The following RBMS3 variants were observed in gnomAD, a reference collection of about 807,000 sequenced individuals.
The protein encoded by RBMS3 is RNA binding motif single stranded interacting protein 3, also known as RNA-binding motif, single-stranded-interacting protein 3.
RBMS3 carries 27 observed loss-of-function variants against 66.8 expected under a neutral mutation model. That is an observed-to-expected ratio of 0.40 (90% CI 0.30 to 0.56). RBMS3 has a LOEUF of 0.56. Among genes scored for constraint, RBMS3 ranks in the 20% least tolerant of loss-of-function variants. RBMS3 has a pLI of 0.40. For missense variants in RBMS3, 513 were observed against 549.5 expected (o/e 0.93, Z 0.66); for synonymous variants, 188 against 183.0 (o/e 1.03, Z -0.22).
chr3:29,612,233 C>T (rs1263629611), intron 4 of RBMS3, among the ~76,000 whole-genome samples: 1 of 151,930 alleles, frequency 6.6e-6, no homozygotes, highest in Non-Finnish European at 1.5e-5. Flanking sequence ...AGTGATTGCA[C>T]ATATATATAT....
intron 1 of RBMS3, among the ~76,000 whole-genome samples, chr3:29,347,379 G>A (rs1481727986): frequency 2.6e-5 from 4 of 152,188 alleles, no homozygotes; most frequent in East Asian, 1.9e-4. Flanking sequence ...GGTTTCATTC[G>A]TTGCATGCAG....
At chr3:29,766,672 C>G (rs745635263) in intron 6 of RBMS3, 1 of 151,930 alleles carries the variant, frequency 6.6e-6, no homozygotes, top group Non-Finnish European at 1.5e-5. Flanking sequence ...TATCCCAGAA[C>G]TACCTCTGTT....
At chr3:29,300,860 G>A (rs1053959184) in intron 1 of RBMS3, among the ~76,000 whole-genome samples, 11 of 152,024 alleles carry the variant, frequency 7.2e-5, no homozygotes, top group South Asian at 2.1e-4. Flanking sequence ...AACATATATA[G>A]AAAGTGCTTT....
At chr3:29,821,043 T>C (rs2058065003) in intron 6 of RBMS3, among the ~76,000 whole-genome samples, 1 of 152,208 alleles carries the variant, frequency 6.6e-6, no homozygotes, top group Admixed American at 6.6e-5. Flanking sequence ...TGGAATACAC[T>C]GGCTTCCTAT....
intron 4 of RBMS3, among the ~76,000 whole-genome samples, chr3:29,670,605 C>T (rs2050956315): frequency 6.6e-6 from 1 of 152,234 alleles, no homozygotes; most frequent in Admixed American, 6.5e-5. Context: ...GAGATTATAT[C>T]TTGCACCTGG....
rs936494292 is a variant in RBMS3, at chr3:29,616,685, C to T, written c.399+29480C>T. 4.6e-5 allele frequency: 7 copies of T among 152,254 alleles called. No individual in the cohort carries two copies. The East Asian group carries it at 9.7e-4, about 21-fold the overall frequency. The allele number at this position is 152,254 out of a possible 1,614,324, so 9.4% of individuals were successfully genotyped here. A position where few individuals can be genotyped will look rare whatever the true frequency, so the allele number is the denominator to read the frequency against. Reference sequence around the variant, plus strand: ...ACCTTGGAGCCCAATAACACCTCTTCGCATGTCCCTCAATAAATTTACCTG... The same window carrying T: ...ACCTTGGAGCCCAATAACACCTCTTTGCATGTCCCTCAATAAATTTACCTG... On this transcript the variant is annotated intron_variant, in intron 4 of 14. Coordinates refer to ENST00000383767, the MANE Select transcript of RBMS3 (RefSeq NM_001003793.3).
intron 4 of RBMS3, among the ~76,000 whole-genome samples, chr3:29,598,039 G>A (rs1017802572): frequency 2.0e-5 from 3 of 152,010 alleles, no homozygotes; most frequent in Non-Finnish European, 4.4e-5. Flanking sequence ...AATCATCACC[G>A]TTAAAAAATA....
chr3:29,387,728 C>G (rs1325271905), intron 1 of RBMS3, among the ~76,000 whole-genome samples: 1 of 151,894 alleles, frequency 6.6e-6, no homozygotes, highest in Non-Finnish European at 1.5e-5. Context: ...CGGTGAAACC[C>G]CGTCCCTACT....
At chr3:29,652,178 A>G (rs1462520718) in intron 4 of RBMS3, among the ~76,000 whole-genome samples, 1 of 152,116 alleles carries the variant, frequency 6.6e-6, no homozygotes, top group African/African-American at 2.4e-5. Context: ...AAGTTTTTGT[A>G]AACCTGTGAA....
intron 3 of RBMS3, among the ~76,000 whole-genome samples, chr3:29,556,959 C>A (rs1022637146): frequency 6.6e-6 from 1 of 152,154 alleles, no homozygotes; most frequent in African/African-American, 2.4e-5. Context: ...CAGCTCCCTG[C>A]AAAATTAGGC....
intron 4 of RBMS3, among the ~76,000 whole-genome samples, chr3:29,630,043 C>G (rs1026066494): frequency 2.6e-5 from 4 of 151,860 alleles, no homozygotes; most frequent in African/African-American, 9.7e-5. Context: ...TGTTTTTTTC[C>G]TAGAAGGTGG....
chr3:29,694,705 C>T lies in RBMS3; in HGVS notation c.400-45015C>T, dbSNP rs535782517. On this transcript the variant is annotated intron_variant, in intron 4 of 14. Transcript: ENST00000383767. ...ACTTAGAGTTCAATTATGTTTTAAA[C>T]ACATTATCTGTGCAAGTGACTGTCC... Among the ~76,000 whole-genome samples the T allele has an allele frequency of 3.3e-5, 5 of 152,070 alleles. No homozygotes were observed. The South Asian group carries it at 1.0e-3, about 32-fold the overall frequency.
chr3:29,307,507 A>G (rs2034091740), intron 1 of RBMS3, among the ~76,000 whole-genome samples: 1 of 151,812 alleles, frequency 6.6e-6, no homozygotes, highest in South Asian at 2.1e-4. Context: ...TTATGTGGCT[A>G]AAGAGCAGGG....
At position 29,578,786 on chromosome 3, in the gene RBMS3, G is replaced by A. The variant is rs532580642; in HGVS notation, c.308-8328G>A. On this transcript the variant is annotated intron_variant, in intron 3 of 14. Coordinates refer to ENST00000383767, the MANE Select transcript of RBMS3 (RefSeq NM_001003793.3). Reference sequence around the variant, plus strand: ...AAACAAAGAATCACAGGTAATACATGCTTCTTTTTTTTTTTTTTTTTTTTT... The same window carrying A: ...AAACAAAGAATCACAGGTAATACATACTTCTTTTTTTTTTTTTTTTTTTTT... Among the ~76,000 whole-genome samples, 40 of 124,670 alleles carry A rather than the reference G, an allele frequency of 3.2e-4. 2 individuals are homozygous for A. In the South Asian group the frequency reaches 0.011, roughly 34 times the overall value. 81.8% of individuals were successfully genotyped at this position (124,670 alleles called of 152,430 possible).
chr3:29,730,736 A>G (rs958018923), intron 4 of RBMS3: 9 of 382,390 alleles, frequency 2.4e-5, no homozygotes, highest in Non-Finnish European at 3.2e-5. Context: ...TACAATATTG[A>G]GTAGTTCTCT....
chr3:29,318,496 C>G (rs2034823783), intron 1 of RBMS3, among the ~76,000 whole-genome samples: 1 of 151,864 alleles, frequency 6.6e-6, no homozygotes, highest in Non-Finnish European at 1.5e-5. Flanking sequence ...CCGCAGAATG[C>G]AAGGTCCTTA....
intron 2 of RBMS3, among the ~76,000 whole-genome samples, chr3:29,459,612 T>C (rs1444512292): frequency 6.6e-6 from 1 of 152,196 alleles, no homozygotes; most frequent in East Asian, 1.9e-4. Flanking sequence ...TTTAAGCCTC[T>C]GTCATAGGTG....
intron 1 of RBMS3, among the ~76,000 whole-genome samples, chr3:29,319,714 C>T (rs2034897320): frequency 6.6e-6 from 1 of 151,876 alleles, no homozygotes; most frequent in African/African-American, 2.4e-5. Flanking sequence ...TTCTAGAAAA[C>T]CATTATTTGC....
At chr3:29,872,103 C>T (rs1318521087) in intron 7 of RBMS3, among the ~76,000 whole-genome samples, 1 of 152,022 alleles carries the variant, frequency 6.6e-6, no homozygotes, top group Non-Finnish European at 1.5e-5. Flanking sequence ...GGCTATTAGG[C>T]TCTTCTTCCT....
Sources: allele counts gnomAD v4.1 joint callset (sites outside exome capture counted in the v4.1 genomes callset), GRCh38; gene constraint gnomAD v4.1.1; transcripts MANE v1.5; gene names NCBI Gene and HGNC (gene_info 2026-07-23, HGNC 2026-07-21).